Variants in NRXN3 observed in about 807,000 individuals in gnomAD.
NRXN3 encodes neurexin III.
NRXN3 carries 32 observed loss-of-function variants against 137.6 expected under a neutral mutation model. The observed-to-expected ratio is 0.23, with a 90% CI of 0.18 to 0.31. The LOEUF is 0.31. Among genes scored for constraint, NRXN3 ranks in the 10% least tolerant of loss-of-function variants. NRXN3 has a pLI of 1.00. For synonymous variants in NRXN3, 798 were observed against 784.5 expected, an observed-to-expected ratio of 1.02 and a Z score of -0.29; for missense variants, 1,574 against 2,062.5, an observed-to-expected ratio of 0.76 and a Z score of 4.59.
intron 8 of NRXN3, among the ~76,000 whole-genome samples, chr14:78,802,222 T>C (rs762157074): frequency 1.6e-4 from 25 of 152,226 alleles, no homozygotes; most frequent in Non-Finnish European, 3.7e-4. Flanking sequence ...ATCAGATATA[T>C]TGAGTCAAAT....
intron 19 of NRXN3, among the ~76,000 whole-genome samples, chr14:79,734,822 C>G (rs2098936296): frequency 6.6e-6 from 1 of 152,128 alleles, no homozygotes. Context: ...TTCTGGAATT[C>G]AATTATAAGT....
intron 16 of NRXN3, among the ~76,000 whole-genome samples, chr14:79,522,142 C>G (rs1173477656): frequency 6.6e-6 from 1 of 152,126 alleles, no homozygotes; most frequent in African/African-American, 2.4e-5. Flanking sequence ...AATCATGGTA[C>G]TTCTGTGGAA....
At chr14:79,222,207 T>G (rs1187896453) in intron 15 of NRXN3, among the ~76,000 whole-genome samples, 2 of 152,202 alleles carry the variant, frequency 1.3e-5, no homozygotes, top group Non-Finnish European at 2.9e-5. Flanking sequence ...AGCTTTGTTC[T>G]TTTTGCTTGG....
intron 19 of NRXN3, among the ~76,000 whole-genome samples, chr14:79,729,438 A>C (rs1230688765): frequency 6.6e-6 from 1 of 152,184 alleles, no homozygotes; most frequent in Non-Finnish European, 1.5e-5. Context: ...GAAGCAAGCT[A>C]TTAAGGATGC....
intron 1 of NRXN3, among the ~76,000 whole-genome samples, chr14:78,204,527 G>T (rs996342493): frequency 2.6e-5 from 4 of 152,156 alleles, no homozygotes; most frequent in Admixed American, 2.6e-4. Context: ...AATATCTTAA[G>T]TTCTTTGGAT....
intron 4 of NRXN3, among the ~76,000 whole-genome samples, chr14:78,553,978 C>G (rs967458957): frequency 2.0e-5 from 3 of 152,018 alleles, no homozygotes; most frequent in African/African-American, 7.2e-5. Flanking sequence ...TAAAAAAGAA[C>G]CAGAGAGGCA....
At position 78,595,999 on chromosome 14, in the gene NRXN3, A is replaced by G. The variant is rs370726942; in HGVS notation, c.758-49121A>G. ...GGGATGGGTGGGGAGCGCTACTGAC[A>G]TCTAGTGGGTAGAGACCTGGGATGA... is the stretch of plus-strand genomic sequence containing the variant. On this transcript the variant is annotated intron_variant, in intron 4 of 20. Transcript: ENST00000335750. Among the ~76,000 whole-genome samples the G allele has an allele frequency of 2.0e-5, 3 of 152,036 alleles. No individual in the cohort carries two copies. The South Asian group carries it at 6.3e-4, about 32-fold the overall frequency.
intron 16 of NRXN3, among the ~76,000 whole-genome samples, chr14:79,522,894 T>C (rs2097081701): frequency 6.6e-6 from 1 of 151,978 alleles, no homozygotes; most frequent in African/African-American, 2.4e-5. Flanking sequence ...GTCAGCTATA[T>C]GCAAAATAGG....
At chr14:79,753,661 G>A (rs1167220322) in intron 19 of NRXN3, among the ~76,000 whole-genome samples, 2 of 151,590 alleles carry the variant, frequency 1.3e-5, no homozygotes, top group African/African-American at 4.8e-5. Flanking sequence ...CATGGCACAT[G>A]TATACATATA....
chr14:79,151,622 A>G (rs2059807725), intron 15 of NRXN3, among the ~76,000 whole-genome samples: 1 of 152,012 alleles, frequency 6.6e-6, no homozygotes, highest in Non-Finnish European at 1.5e-5. Flanking sequence ...GGCCAGCTCA[A>G]ATTAGGAGCT....
chr14:79,630,575 G>A (rs1219815626), intron 16 of NRXN3, among the ~76,000 whole-genome samples: 2 of 152,170 alleles, frequency 1.3e-5, no homozygotes, highest in Non-Finnish European at 2.9e-5. Context: ...CATATGTGTT[G>A]CAGTTAGTTC....
At chr14:79,481,799 G>A (rs182181820) in intron 16 of NRXN3, among the ~76,000 whole-genome samples, 7 of 152,184 alleles carry the variant, frequency 4.6e-5, no homozygotes, top group African/African-American at 1.4e-4. Flanking sequence ...AAGACAGCTC[G>A]GCAGGTAGGG....
chr14:78,564,949 C>T (rs993213498), intron 4 of NRXN3, among the ~76,000 whole-genome samples: 5 of 152,156 alleles, frequency 3.3e-5, no homozygotes, highest in African/African-American at 7.2e-5. Flanking sequence ...CACTCAGTGC[C>T]GTTCCCTCTC....
chr14:78,961,094 C>G (rs1054345335), intron 11 of NRXN3, among the ~76,000 whole-genome samples: 2 of 149,430 alleles, frequency 1.3e-5, no homozygotes, highest in African/African-American at 5.0e-5. Context: ...TTAAAAAATG[C>G]TGACATTATG....
At chr14:78,757,725 A>C (rs1193731950) in intron 8 of NRXN3, among the ~76,000 whole-genome samples, 1 of 152,218 alleles carries the variant, frequency 6.6e-6, no homozygotes, top group Non-Finnish European at 1.5e-5. Flanking sequence ...GTGAATAAAA[A>C]ATGTGAATAA....
intron 14 of NRXN3, among the ~76,000 whole-genome samples, chr14:78,978,578 G>A (rs2099478094): frequency 6.6e-6 from 1 of 151,710 alleles, no homozygotes; most frequent in Non-Finnish European, 1.5e-5. Flanking sequence ...TATGGAAGTA[G>A]CTTTGCTGAA....
chr14:79,101,646 T>G (rs1396532794), intron 15 of NRXN3, among the ~76,000 whole-genome samples: 1 of 152,218 alleles, frequency 6.6e-6, no homozygotes, highest in Admixed American at 6.5e-5. Context: ...GTGTGCGGCA[T>G]GAAGCCAGAG....
intron 19 of NRXN3, among the ~76,000 whole-genome samples, chr14:79,715,316 G>A (rs1292303103): frequency 6.6e-6 from 1 of 152,150 alleles, no homozygotes; most frequent in Non-Finnish European, 1.5e-5. Flanking sequence ...TTTGACAATT[G>A]AACAAGGCCT....
At chr14:78,895,863 G>C (rs1035239887) in intron 10 of NRXN3, among the ~76,000 whole-genome samples, 1 of 151,714 alleles carries the variant, frequency 6.6e-6, no homozygotes, top group African/African-American at 2.4e-5. Flanking sequence ...TAAGTTGAGC[G>C]GTCAGAAGAC....
Sources: allele counts gnomAD v4.1 joint callset (sites outside exome capture counted in the v4.1 genomes callset), GRCh38; gene constraint gnomAD v4.1.1; transcripts MANE v1.5; gene names NCBI Gene and HGNC (gene_info 2026-07-23, HGNC 2026-07-21).